The following SCHIP1 variants were observed in gnomAD, a reference collection of about 807,000 sequenced individuals.
The protein encoded by SCHIP1 is schwannomin interacting protein 1.
SCHIP1 carries 8 observed loss-of-function variants against 29.7 expected under a neutral mutation model. The observed-to-expected ratio is 0.27, with a 90% CI of 0.16 to 0.49. The LOEUF (loss-of-function observed/expected upper bound fraction) is 0.49. Ranked by LOEUF, SCHIP1 falls within the 20% of genes least tolerant of loss-of-function variation. The pLI is 0.99. For missense variants in SCHIP1, 193 were observed against 294.6 expected (o/e 0.66, Z 2.52); for synonymous variants, 76 against 94.9 (o/e 0.80, Z 1.16).
chr3:159,722,228 T>A, the SCHIP1 span: 15 of 179,014 alleles, frequency 8.4e-5, no homozygotes, highest in African/African-American at 3.3e-4. Context: ...TCTCTTCTTG[T>A]ACCTTCTCTT....
chr3:159,659,423 G>A, the SCHIP1 span, among the ~76,000 whole-genome samples: 1 of 152,218 alleles, frequency 6.6e-6, no homozygotes, highest in South Asian at 2.1e-4. Flanking sequence ...ATAAGAATGA[G>A]CCCTCAGCAT....
intron 1 of SCHIP1, among the ~76,000 whole-genome samples, chr3:159,840,931 TGGA>T (rs1744160768): frequency 1.3e-5 from 2 of 152,236 alleles, no homozygotes; most frequent in Non-Finnish European, 1.5e-5. Flanking sequence ...TGGTAGGACT[TGGA>T]CTGTTGAGGC....
intron 2 of SCHIP1, among the ~76,000 whole-genome samples, chr3:159,872,341 G>A (rs1370814610): frequency 2.0e-5 from 3 of 152,072 alleles, no homozygotes; most frequent in African/African-American, 4.8e-5. Context: ...CTGAAGGAGA[G>A]AGACTGGAAT....
At chr3:159,467,683 CAAATT>C in the SCHIP1 span, among the ~76,000 whole-genome samples, 1 of 151,970 alleles carries the variant, frequency 6.6e-6, no homozygotes, top group South Asian at 2.1e-4. Context: ...AAAAAATGAT[CAAATT>C]GAGGTGTTTT....
chr3:159,896,477 G>T (rs1718078990), intron 6 of SCHIP1, among the ~76,000 whole-genome samples: 1 of 152,144 alleles, frequency 6.6e-6, no homozygotes, highest in South Asian at 2.1e-4. Flanking sequence ...CTTAAAAGTA[G>T]TAATGTCTAA....
the SCHIP1 span, among the ~76,000 whole-genome samples, chr3:159,757,740 A>G: frequency 6.6e-6 from 1 of 152,184 alleles, no homozygotes; most frequent in East Asian, 1.9e-4. Context: ...TCTTGCCCAT[A>G]AACACAGAGC....
chr3:159,491,340 A>T, the SCHIP1 span, among the ~76,000 whole-genome samples: 1 of 152,212 alleles, frequency 6.6e-6, no homozygotes, highest in African/African-American at 2.4e-5. Flanking sequence ...GGGGTCAGGG[A>T]ATTCCCTTTC....
chr3:159,587,446 C>A, the SCHIP1 span, among the ~76,000 whole-genome samples: 26 of 151,046 alleles, frequency 1.7e-4, no homozygotes, highest in Admixed American at 1.6e-3. Context: ...GAAATTTTTC[C>A]AGACATTTGA....
At chr3:159,398,153 C>T in the SCHIP1 span, among the ~76,000 whole-genome samples, 1,184 of 152,280 alleles carry the variant, frequency 7.8e-3, 15 homozygotes, top group African/African-American at 0.026. Flanking sequence ...TTGCGCTTCC[C>T]GAGTGAGGCA....
the SCHIP1 span, among the ~76,000 whole-genome samples, chr3:159,398,620 A>G: frequency 6.6e-6 from 1 of 152,166 alleles, no homozygotes; most frequent in African/African-American, 2.4e-5. Flanking sequence ...ATTTGATCTC[A>G]GAGGTCATAG....
the SCHIP1 span, among the ~76,000 whole-genome samples, chr3:159,626,168 ATATCTATC>A: frequency 6.0e-5 from 4 of 66,230 alleles, no homozygotes; most frequent in Non-Finnish European, 1.1e-4. Context: ...ATATCTAGAT[ATATCTATC>A]TATCTAGATA....
At chr3:159,723,505 A>C in the SCHIP1 span, among the ~76,000 whole-genome samples, 1 of 152,352 alleles carries the variant, frequency 6.6e-6, no homozygotes, top group South Asian at 2.1e-4. Context: ...GTTCTTCCAT[A>C]AGAACATTTT....
At chr3:159,474,059 G>A in the SCHIP1 span, among the ~76,000 whole-genome samples, 1 of 151,966 alleles carries the variant, frequency 6.6e-6, no homozygotes, top group African/African-American at 2.4e-5. Flanking sequence ...TCTGAAAACA[G>A]GCTATTTCTT....
the SCHIP1 span, among the ~76,000 whole-genome samples, chr3:159,535,473 C>T: frequency 2.3e-4 from 35 of 152,292 alleles, no homozygotes; most frequent in South Asian, 6.8e-3. Flanking sequence ...GGTCCTGCTT[C>T]CTCCTGGTTC....
At chr3:159,457,096 A>T in the SCHIP1 span, among the ~76,000 whole-genome samples, 1 of 152,202 alleles carries the variant, frequency 6.6e-6, no homozygotes, top group South Asian at 2.1e-4. Flanking sequence ...CTCTGTAAAA[A>T]TTAAATATAT....
the SCHIP1 span, among the ~76,000 whole-genome samples, chr3:159,304,828 G>A: frequency 6.6e-6 from 1 of 151,924 alleles, no homozygotes; most frequent in Non-Finnish European, 1.5e-5. Context: ...TGCCTTAGAG[G>A]ACTTAGCATT....
chr3:159,741,619 A>G, the SCHIP1 span, among the ~76,000 whole-genome samples: 1 of 152,256 alleles, frequency 6.6e-6, no homozygotes, highest in Non-Finnish European at 1.5e-5. Flanking sequence ...TTTATTTAAA[A>G]TATGTAACCA....
At chr3:159,408,929 A>T in the SCHIP1 span, among the ~76,000 whole-genome samples, 2 of 152,192 alleles carry the variant, frequency 1.3e-5, no homozygotes, top group African/African-American at 4.8e-5. Context: ...CATTAGAAAG[A>T]TCATTCATTA....
At chr3:159,639,300 G>A in the SCHIP1 span, among the ~76,000 whole-genome samples, 2 of 151,974 alleles carry the variant, frequency 1.3e-5, no homozygotes, top group African/African-American at 2.4e-5. Flanking sequence ...CTTCTTATTG[G>A]AAAATCCTTT....
Sources: allele counts gnomAD v4.1 joint callset (sites outside exome capture counted in the v4.1 genomes callset), GRCh38; gene constraint gnomAD v4.1.1; transcripts MANE v1.5; gene names NCBI Gene and HGNC (gene_info 2026-07-23, HGNC 2026-07-21).